Variants in TP63 observed in about 807,000 individuals in gnomAD.
TP63 encodes tumor protein 63.
In TP63, 17 loss-of-function variants were observed where a neutral mutation model predicts 82.8. The ratio of observed to expected loss-of-function variants is 0.21; its 90% CI spans 0.14 to 0.31. The LOEUF (loss-of-function observed/expected upper bound fraction) is 0.31. Ranked by LOEUF, TP63 falls within the 10% of genes least tolerant of loss-of-function variation. The pLI, the probability that TP63 is intolerant of heterozygous loss-of-function variation, is 1.00. For missense variants in TP63, 648 were observed against 895.3 expected (o/e 0.72, Z 3.52); for synonymous variants, 330 against 321.7 (o/e 1.03, Z -0.28).
chr3:189,691,712 G>A (rs928433079), intron 1 of TP63, among the ~76,000 whole-genome samples: 3 of 152,122 alleles, frequency 2.0e-5, no homozygotes, highest in African/African-American at 7.2e-5. Context: ...AGCTGTGTAA[G>A]AGTCTATACT....
At chr3:189,625,139 A>AAT in the TP63 span, among the ~76,000 whole-genome samples, 59 of 152,310 alleles carry the variant, frequency 3.9e-4, no homozygotes, top group African/African-American at 1.4e-3. Flanking sequence ...AATTTATGAC[A>AAT]ATGTAAACAT....
chr3:189,612,519 A>T, the TP63 span, among the ~76,000 whole-genome samples: 2 of 151,894 alleles, frequency 1.3e-5, no homozygotes, highest in Admixed American at 6.6e-5. Context: ...CCCAGTCTTG[A>T]GTATGTCTAT....
In TP63 at chr3:189,738,398, A is replaced by C. The variant is rs557173983; in HGVS notation, c.192-244A>C. ...ATCCGTTATTTCCTGCATCCTACCCAGTAATTATCTGAGGAGGGCAGAGGT... is the reference window on the plus strand; with the variant it reads ...ATCCGTTATTTCCTGCATCCTACCCCGTAATTATCTGAGGAGGGCAGAGGT... On this transcript the variant is annotated intron_variant, in intron 2 of 13. Transcript: ENST00000264731. 3.9e-5 allele frequency among the ~76,000 whole-genome samples: 6 copies of C among 152,306 alleles called. No homozygotes were observed. In the East Asian group the frequency reaches 1.2e-3, roughly 29 times the overall value.
intron 1 of TP63, among the ~76,000 whole-genome samples, chr3:189,687,114 G>T (rs1716513733): frequency 6.6e-6 from 1 of 152,016 alleles, no homozygotes. Flanking sequence ...CTAGATAAGG[G>T]AGAAGTGGTC....
chr3:189,881,635 C>T (rs1392364549), intron 10 of TP63: 1 of 654,248 alleles, frequency 1.5e-6, no homozygotes, highest in African/African-American at 2.0e-5. Flanking sequence ...TTCCTACGTA[C>T]ATTTCTTCTG....
At chr3:189,814,879 A>G (rs1003581213) in intron 4 of TP63, among the ~76,000 whole-genome samples, 1 of 152,186 alleles carries the variant, frequency 6.6e-6, no homozygotes, top group Non-Finnish European at 1.5e-5. Flanking sequence ...TGATTTGTTC[A>G]CTGCACCGTG....
intron 3 of TP63, among the ~76,000 whole-genome samples, chr3:189,785,617 T>A (rs568387648): frequency 1.9e-4 from 29 of 152,166 alleles, no homozygotes; most frequent in African/African-American, 6.5e-4. Context: ...GGGACCGGAA[T>A]GAACAGAAGG....
rs567916149 is a variant in TP63 at position 189,857,617 on chromosome 3, A to G, written c.580-6615A>G. 3.3e-5 allele frequency among the ~76,000 whole-genome samples: 5 copies of G among 152,144 alleles called. No individual in the cohort carries two copies. In the South Asian group the frequency reaches 1.0e-3, roughly 31 times the overall value. On this transcript the variant is annotated intron_variant, in intron 4 of 13. Transcript: ENST00000264731. ...GACTTGTAGCCAAAATACATAAGGG[A>G]CTCCTAAAACTCACATTAAAAACAA... is the stretch of plus-strand genomic sequence containing the variant.
chr3:189,879,011 C>A (rs1971390), intron 10 of TP63, among the ~76,000 whole-genome samples: 21,294 of 152,176 alleles, frequency 0.14, 1,791 homozygotes, highest in South Asian at 0.21. Flanking sequence ...AGAAAAAACT[C>A]AATGATTAAT....
chr3:189,700,384 G>A (rs542143605), intron 1 of TP63, among the ~76,000 whole-genome samples: 6 of 152,292 alleles, frequency 3.9e-5, no homozygotes, highest in African/African-American at 1.4e-4. Flanking sequence ...CAGTCCCAGT[G>A]TTTGCTGTTT....
At chr3:189,628,154 TGCAG>T (rs903923371), upstream of TP63, among the ~76,000 whole-genome samples, 3 of 151,976 alleles carry the variant, frequency 2.0e-5, no homozygotes, top group African/African-American at 7.2e-5. Flanking sequence ...CACAAAAAAG[TGCAG>T]ATATAATTAT....
At chr3:189,872,636 C>T (rs915753271) in intron 9 of TP63, among the ~76,000 whole-genome samples, 2 of 152,130 alleles carry the variant, frequency 1.3e-5, no homozygotes, top group Admixed American at 6.6e-5. Context: ...TCTCCTTGTT[C>T]GAACCAGCTG....
chr3:189,891,888 T>C (rs1283456644), intron 13 of TP63, among the ~76,000 whole-genome samples: 2 of 152,132 alleles, frequency 1.3e-5, no homozygotes, highest in East Asian at 1.9e-4. Flanking sequence ...ACTTCTATTG[T>C]TGGGGACTCT....
intron 10 of TP63, among the ~76,000 whole-genome samples, chr3:189,884,446 A>G (rs879847591): frequency 5.3e-5 from 8 of 152,200 alleles, no homozygotes; most frequent in Non-Finnish European, 1.0e-4. Flanking sequence ...CAGTGCATCC[A>G]TTTAGCAACA....
At chr3:189,749,259 G>T (rs921958832) in intron 3 of TP63, among the ~76,000 whole-genome samples, 3 of 152,114 alleles carry the variant, frequency 2.0e-5, no homozygotes, top group African/African-American at 7.2e-5. Flanking sequence ...AACACCTGTT[G>T]AATGGAAGAA....
chr3:189,893,070 C>T (rs1721180750), intron 13 of TP63, among the ~76,000 whole-genome samples: 1 of 152,176 alleles, frequency 6.6e-6, no homozygotes, highest in African/African-American at 2.4e-5. Context: ...GGCATCATCA[C>T]TTCCTGGAAA....
chr3:189,850,215 G>A (rs1193031775), intron 4 of TP63, among the ~76,000 whole-genome samples: 1 of 152,022 alleles, frequency 6.6e-6, no homozygotes, highest in Admixed American at 6.6e-5. Context: ...CCAGGAGGTG[G>A]GTGTTGCAGG....
chr3:189,602,890 G>C, the TP63 span, among the ~76,000 whole-genome samples: 49 of 152,206 alleles, frequency 3.2e-4, no homozygotes, highest in Non-Finnish European at 1.5e-4. Context: ...ATGGCATAGA[G>C]CTAGTGTTCT....
rs114831277 is a variant in TP63 at position 189,859,344 on chromosome 3, G to A, written c.580-4888G>A. Among the ~76,000 whole-genome samples the A allele has an allele frequency of 4.5e-3, 682 of 151,896 alleles. 7 individuals are homozygous for A. The highest frequency in any genetic ancestry group is 0.016 in the African/African-American group (653 of 41,420). On this transcript the variant is annotated intron_variant, in intron 4 of 13. Coordinates refer to ENST00000264731, the MANE Select transcript of TP63 (RefSeq NM_003722.5). ...GTATTACAATTTTTTTAACTCAAAA[G>A]GTACAAAATATTTGAACAGATGCTT...
Sources: gnomAD v4.1 joint callset for allele counts (sites outside exome capture counted in the v4.1 genomes callset) on GRCh38, gnomAD v4.1.1 for gene constraint, MANE v1.5 for transcripts, NCBI Gene and HGNC (gene_info 2026-07-23, HGNC 2026-07-21) for gene names.